Variants in ZNF274 observed in about 807,000 individuals in gnomAD.
ZNF274 encodes the protein neurotrophin receptor-interacting factor homolog.
ZNF274 carries 23 observed loss-of-function variants against 42.5 expected under a neutral mutation model. That is an observed-to-expected ratio of 0.54 (90% CI 0.39 to 0.77). The LOEUF is 0.77. Among genes scored for constraint, ZNF274 ranks in the 30% least tolerant of loss-of-function variants. ZNF274 has a pLI of 0.00. For missense variants in ZNF274, 679 were observed against 806.5 expected (o/e 0.84, Z 1.91); for synonymous variants, 292 against 305.4 (o/e 0.96, Z 0.46).
rs1003754896 is a variant in ZNF274, at chr19:58,197,121, A to T, written c.257-9599A>T. On this transcript the variant is annotated intron_variant, in intron 4 of 7. Transcript: ENST00000617501. Reference sequence around the variant, plus strand: ...CCTTATTCAGCATCACAGAAGTTGTACTAGAGATTACCTGAGAACATAGGG... The same window carrying T: ...CCTTATTCAGCATCACAGAAGTTGTTCTAGAGATTACCTGAGAACATAGGG... 5.3e-5 allele frequency among the ~76,000 whole-genome samples: 8 copies of T among 152,228 alleles called. No homozygotes were observed. In the East Asian group the frequency reaches 1.3e-3, roughly 26 times the overall value.
Position 58,212,187 on chromosome 19 carries a change from G to C in ZNF274, c.1006G>C (p.Glu336Gln). 6.2e-7 allele frequency: 1 copy of C among 1,608,562 alleles called. No individual in the cohort carries two copies. Among genetic ancestry groups the C allele is most frequent in the Non-Finnish European group, 8.5e-7 (1 of 1,179,440 alleles). The change falls in exon 8 of 8, where the codon GAG becomes CAG. Residue 336 changes from glutamate to glutamine, a missense_variant. Transcript: ENST00000617501. This position sits in a 1 kb window ranked among gnomAD's most constrained non-coding sequence, Gnocchi z 4.6. The stretch of plus-strand genomic sequence containing the variant: ...GTGGGAGACTACACTGGAAAATAAA[G>C]AGTTAGCTCCAAATTCTGACATTCC... ...VGWETTLENK[E>Q]LAPNSDIPEE... is the part of the protein sequence containing the mutation.
intron 4 of ZNF274, among the ~76,000 whole-genome samples, chr19:58,191,544 A>G (rs755161175): frequency 2.6e-5 from 4 of 152,206 alleles, no homozygotes; most frequent in Non-Finnish European, 5.9e-5. Context: ...TGAATGGGCA[A>G]ACCTCCAGGC....
chr19:58,204,348 G>A (rs549870101), intron 4 of ZNF274, among the ~76,000 whole-genome samples: 2 of 144,796 alleles, frequency 1.4e-5, no homozygotes, highest in African/African-American at 2.7e-5. Flanking sequence ...CCGGGTCCAG[G>A]GGGGGCAGGG....
chr19:58,186,159 A>G (rs2075695730), intron 3 of ZNF274: 1 of 166,704 alleles, frequency 6.0e-6, no homozygotes, highest in East Asian at 1.5e-4. Flanking sequence ...CATGGGCAAC[A>G]TAGACCGTGT....
intron 4 of ZNF274, among the ~76,000 whole-genome samples, chr19:58,203,414 T>G (rs921179149): frequency 1.3e-5 from 2 of 151,806 alleles, no homozygotes; most frequent in South Asian, 4.2e-4. Flanking sequence ...CGAAACCCTG[T>G]CTCTACTAAA....
At chr19:58,191,894 T>TA (rs2075782437) in intron 4 of ZNF274, among the ~76,000 whole-genome samples, 1 of 152,214 alleles carries the variant, frequency 6.6e-6, no homozygotes, top group Admixed American at 6.5e-5. Flanking sequence ...CCAAAGCACT[T>TA]ACATAATCTC....
intron 4 of ZNF274, among the ~76,000 whole-genome samples, chr19:58,188,582 C>CACTCTAACCT (rs2075728227): frequency 1.5e-5 from 2 of 132,754 alleles, no homozygotes; most frequent in African/African-American, 5.7e-5. Flanking sequence ...CATGCCACTG[C>CACTCTAACCT]GTGACAGAGT....
intron 4 of ZNF274, among the ~76,000 whole-genome samples, chr19:58,200,692 G>C (rs2075899453): frequency 6.6e-6 from 1 of 152,194 alleles, no homozygotes; most frequent in Non-Finnish European, 1.5e-5. Flanking sequence ...GGAAAACTAA[G>C]ATGGTGGCTG....
rs1024186773 is a variant in ZNF274 at position 58,212,237 on chromosome 19, G to C, written c.1056G>C (p.Leu352=). The C allele has an allele frequency of 3.1e-6, 5 of 1,613,550 alleles. No homozygotes were observed. The African/African-American group carries it at 4.0e-5, about 13-fold the overall frequency. ...DIPEEEPAPS[L]KVQESSRDCA... is the part of the protein sequence containing the mutation. ...CTGAGGAAGAACCAGCCCCCAGCCT[G>C]AAAGTACAAGAATCCTCAAGGGATT... The change falls in exon 8 of 8, where the codon CTG becomes CTC. Residue 352 remains leucine, a synonymous_variant. Coordinates refer to ENST00000617501, the MANE Select transcript of ZNF274 (RefSeq NM_133502.3). This position sits in a 1 kb window ranked among gnomAD's most constrained non-coding sequence, Gnocchi z 4.6.
chr19:58,204,348 G>T (rs549870101), intron 4 of ZNF274, among the ~76,000 whole-genome samples: 2 of 144,796 alleles, frequency 1.4e-5, no homozygotes, highest in Non-Finnish European at 2.9e-5. Context: ...CCGGGTCCAG[G>T]GGGGGCAGGG....
rs1376700995 is a variant in ZNF274 at position 58,188,610 on chromosome 19, AAAAAAAAAAAAT to A, written c.256+1570_256+1581del. The stretch of plus-strand genomic sequence containing the variant: ...GACAGAGTGAGACTCCATCTCAAAA[AAAAAAAAAAAAT>A]ATATATATATATATATATATATATG... On this transcript the variant is annotated intron_variant, in intron 4 of 7. Transcript: ENST00000617501. 9.2e-4 allele frequency among the ~76,000 whole-genome samples: 57 copies of A among 61,686 alleles called. 1 individual carries two copies. The highest frequency in any genetic ancestry group is 6.3e-3 in the Middle Eastern group (1 of 160). The allele number at this position is 61,686 out of a possible 152,430, so 40.5% of individuals were successfully genotyped here. A position where few individuals can be genotyped will look rare whatever the true frequency, so the allele number is the denominator to read the frequency against.
At chr19:58,195,775 A>G (rs1012277969) in intron 4 of ZNF274, among the ~76,000 whole-genome samples, 18 of 152,192 alleles carry the variant, frequency 1.2e-4, no homozygotes, top group African/African-American at 3.9e-4. Flanking sequence ...ATGAGGCATT[A>G]GATTCTCATA....
chr19:58,212,275 C>G lies in ZNF274; in HGVS notation c.1094C>G (p.Ser365Cys). 1 of 1,613,986 alleles carries G rather than the reference C, an allele frequency of 6.2e-7. No homozygotes were observed. Among genetic ancestry groups the G allele is most frequent in the Middle Eastern group, 1.6e-4 (1 of 6,062 alleles). ...QESSRDCALSSTLEDTLQGGV... is the reference protein window; with the variant it reads ...QESSRDCALSCTLEDTLQGGV... ...TCCTCAAGGGATTGTGCCTTGTCCT[C>G]TACATTAGAAGATACCTTGCAGGGT... The change falls in exon 8 of 8, where the codon TCT (serine) becomes TGT (cysteine). Residue 365 changes from serine (S) to cysteine (C), a missense_variant. This residue lies in a region of ZNF274 where 456 missense variants were observed against 590.1 expected (regional missense o/e 0.77). Coordinates refer to ENST00000617501, the MANE Select transcript of ZNF274 (RefSeq NM_133502.3). This position sits in a 1 kb window ranked among gnomAD's most constrained non-coding sequence, Gnocchi z 4.6.
At chr19:58,183,741 G>A in intron 1 of ZNF274, 180 bp from the exon 2 acceptor site, 1 of 530,238 alleles carries the variant, frequency 1.9e-6, no homozygotes, top group Non-Finnish European at 3.4e-6. Flanking sequence ...TGTCCTCTCG[G>A]GGAGGGGAAA....
chr19:58,183,763 C>T, intron 1 of ZNF274, 158 bp from the exon 2 acceptor site: 1 of 571,252 alleles, frequency 1.8e-6, no homozygotes, highest in South Asian at 2.1e-5. Flanking sequence ...CTGGTCCTAT[C>T]CAGTCCTGTG....
intron 4 of ZNF274, among the ~76,000 whole-genome samples, chr19:58,201,329 C>T (rs1476230561): frequency 6.6e-6 from 1 of 150,656 alleles, no homozygotes; most frequent in African/African-American, 2.4e-5. Context: ...TTTAAACAAC[C>T]AGATCTCGTG....
Position 58,212,661 on chromosome 19 carries a change from C to CAGATT in ZNF274, c.1482_1486dup (p.Thr496ArgfsTer5), listed in dbSNP as rs1262928945. On this transcript the variant is annotated frameshift_variant, in exon 8 of 8. Coordinates refer to ENST00000617501, the MANE Select transcript of ZNF274 (RefSeq NM_133502.3). LOFTEE classifies it high-confidence loss of function. The surrounding 1 kb of genome is among the most constrained non-coding windows in gnomAD (Gnocchi z 4.6). ...GAAAACCTTCAGTCGGAGTACTAAA[C>CAGATT]AGATTACGTTTATAAGAATTCACAA... is the stretch of plus-strand genomic sequence containing the variant. 6.2e-7 allele frequency: 1 copy of CAGATT among 1,614,024 alleles called. No individual in the cohort carries two copies. The highest frequency in any genetic ancestry group is 8.5e-7 in the Non-Finnish European group (1 of 1,179,908).
intron 2 of ZNF274, chr19:58,184,331 C>A: frequency 4.1e-6 from 1 of 241,016 alleles, no homozygotes. Context: ...CCTCTGTCGC[C>A]CAGGCTGGAG....
In ZNF274 at chr19:58,210,234, G is replaced by A. The variant is rs1420831236; in HGVS notation, c.852+161G>A. The A allele has an allele frequency of 5.4e-6, 3 of 557,268 alleles. No homozygotes were observed. The East Asian group carries it at 9.7e-5, about 18-fold the overall frequency. 34.5% of individuals were successfully genotyped at this position (557,268 alleles called of 1,614,324 possible). A position where few individuals can be genotyped will look rare whatever the true frequency, so the allele number is the denominator to read the frequency against. On this transcript the variant is annotated intron_variant, in intron 6 of 7. Transcript: ENST00000617501. ...GTCTGTGCTGAAGCAATCTGAGTAT[G>A]AAGAGCAGCCCTGCCCTCCAGCCAC... is the stretch of plus-strand genomic sequence containing the variant.
Sources: allele counts gnomAD v4.1 joint callset (sites outside exome capture counted in the v4.1 genomes callset), GRCh38; gene constraint gnomAD v4.1.1; regional missense constraint gnomAD v4.1.1; non-coding constraint Gnocchi (gnomAD v3.1); transcripts MANE v1.5; gene names NCBI Gene and HGNC (gene_info 2026-07-23, HGNC 2026-07-21).